TMX2: variants seen among roughly 807,000 people sequenced by gnomAD.
TMX2 encodes the protein thioredoxin related transmembrane protein 2, also known as thioredoxin-related transmembrane protein 2.
A neutral mutation model predicts 33.4 loss-of-function variants in TMX2; 20 were observed. That is an observed-to-expected ratio of 0.60 (90% CI 0.42 to 0.87). TMX2 has a LOEUF of 0.87. Ranked by LOEUF, TMX2 falls within the 40% of genes least tolerant of loss-of-function variation. TMX2 has a pLI of 0.00. For missense variants in TMX2, 340 were observed against 370.7 expected (o/e 0.92, Z 0.68); for synonymous variants, 166 against 140.7 (o/e 1.18, Z -1.27).
In TMX2 at chr11:57,712,859, C is replaced by T. The variant is rs146862887; in HGVS notation, c.189+52C>T. 424 of 1,603,220 alleles carry T rather than the reference C, an allele frequency of 2.6e-4. 3 individuals are homozygous for T. The African/African-American group carries it at 3.9e-3, about 15-fold the overall frequency. ...GCGACCTTGACTGTCCCTGCCCTTG[C>T]AGGTGTATCTGGGAACCCTGGGGTT... On this transcript the variant is annotated intron_variant, in intron 1 of 7. Coordinates refer to ENST00000278422, the MANE Select transcript of TMX2 (RefSeq NM_015959.4).
chr11:57,727,294 C>G (rs1406125148), intron 1 of TMX2, among the ~76,000 whole-genome samples: 1 of 151,888 alleles, frequency 6.6e-6, no homozygotes, highest in African/African-American at 2.4e-5. Context: ...TCAAAGGACT[C>G]TAGAAACAAG....
chr11:57,719,363 C>T lies in TMX2; in HGVS notation c.189+6556C>T, dbSNP rs566988040. 1.2e-3 allele frequency among the ~76,000 whole-genome samples: 189 copies of T among 151,358 alleles called. 2 individuals are homozygous for T. The highest frequency in any genetic ancestry group is 5.9e-3 in the South Asian group (28 of 4,784). ...TTTTTTATTTTTTAAAGGCTTTCTG[C>T]TTTTTCTCTTTTGGATCTCATGCCC... On this transcript the variant is annotated intron_variant, in intron 1 of 7. Coordinates refer to ENST00000278422, the MANE Select transcript of TMX2 (RefSeq NM_015959.4).
chr11:57,737,703 A>T, intron 2 of TMX2, 35 bp downstream of exon 2: 1 of 1,601,178 alleles, frequency 6.2e-7, no homozygotes, highest in Non-Finnish European at 8.6e-7. Context: ...TCAAGGTTAG[A>T]TCTAATGCCC....
chr11:57,718,063 T>C, intron 1 of TMX2: 1 of 1,217,798 alleles, frequency 8.2e-7, no homozygotes, highest in African/African-American at 1.5e-5. Context: ...CAGTCAGCAA[T>C]GGTGATCTTC....
At chr11:57,723,985 A>AACCAAGT (rs1279848690) in intron 1 of TMX2, among the ~76,000 whole-genome samples, 1 of 151,990 alleles carries the variant, frequency 6.6e-6, no homozygotes, top group African/African-American at 2.4e-5. Context: ...GGAAGGGCAA[A>AACCAAGT]ACCAAGTAAC....
intron 1 of TMX2, among the ~76,000 whole-genome samples, chr11:57,714,843 C>A (rs774511853): frequency 6.6e-6 from 1 of 152,082 alleles, no homozygotes; most frequent in African/African-American, 2.4e-5. Flanking sequence ...ATCCTCCTGA[C>A]TTGGCTTCCT....
Position 57,739,251 on chromosome 11 carries a change from C to T in TMX2, c.735C>T (p.Thr245=). ...IDKKGRAVSW[T]FSEENVIREF... ...AGAAAGGACGGGCTGTCTCATGGAC[C>T]TTCTCTGAGGTACCTGAAAGGAAGG... The change falls in exon 7 of 8, where the codon ACC becomes ACT. Residue 245 remains threonine (T), a synonymous_variant. Transcript: ENST00000278422. The T allele has an allele frequency of 6.2e-7, 1 of 1,614,090 alleles. No individual in the cohort carries two copies. Among genetic ancestry groups the T allele is most frequent in the African/African-American group, 1.3e-5 (1 of 75,006 alleles).
In TMX2 at chr11:57,712,704, C is replaced by T. The variant is rs1946682690; in HGVS notation, c.86C>T (p.Ser29Leu). Residue 29 changes from serine to leucine, a missense_variant, in exon 1 of 8, where the codon TCG becomes TTG. Coordinates refer to ENST00000278422, the MANE Select transcript of TMX2 (RefSeq NM_015959.4). ...RWLAQPYYLL[S>L]ALLSAAFLLV... Reference sequence around the variant, plus strand: ...CTCGCCCAACCTTACTACCTTCTGTCGGCCCTGCTCTCTGCTGCCTTCCTA... The same window carrying T: ...CTCGCCCAACCTTACTACCTTCTGTTGGCCCTGCTCTCTGCTGCCTTCCTA... 2 of 1,614,194 alleles carry T rather than the reference C, an allele frequency of 1.2e-6. No individual in the cohort carries two copies. The highest frequency in any genetic ancestry group is 1.3e-5 in the African/African-American group (1 of 75,066).
At chr11:57,732,361 T>A (rs1481718315) in intron 1 of TMX2, among the ~76,000 whole-genome samples, 1 of 152,218 alleles carries the variant, frequency 6.6e-6, no homozygotes, top group Non-Finnish European at 1.5e-5. Flanking sequence ...CTCTTTCCTT[T>A]TCCTGCTTCC....
rs575164710 is a variant in TMX2, at chr11:57,734,423, G to C, written c.190-3185G>C. On this transcript the variant is annotated intron_variant, in intron 1 of 7. Coordinates refer to ENST00000278422, the MANE Select transcript of TMX2 (RefSeq NM_015959.4). ...GAGAATTTCTTTTGGTCCTACCTTTGGTCCCCTGGTTAACTACAACTCTCT... is the reference window on the plus strand; with the variant it reads ...GAGAATTTCTTTTGGTCCTACCTTTCGTCCCCTGGTTAACTACAACTCTCT... 7.9e-5 allele frequency among the ~76,000 whole-genome samples: 12 copies of C among 152,170 alleles called. 1 individual carries two copies. The South Asian group carries it at 2.3e-3, about 29-fold the overall frequency.
At chr11:57,724,658 A>G (rs1485373716) in intron 1 of TMX2, among the ~76,000 whole-genome samples, 3 of 152,098 alleles carry the variant, frequency 2.0e-5, no homozygotes, top group Admixed American at 1.3e-4. Flanking sequence ...AAAAACATAC[A>G]GGTTAATAGA....
chr11:57,725,012 C>T lies in TMX2; in HGVS notation c.189+12205C>T, dbSNP rs537288673. ...CAAGATCGTGCCACTGCACTCCAGC[C>T]TGGGCAACAGAGTGAGACTGTGTCT... On this transcript the variant is annotated intron_variant, in intron 1 of 7. Transcript: ENST00000278422. Among the ~76,000 whole-genome samples the T allele has an allele frequency of 2.0e-5, 3 of 147,050 alleles. No homozygotes were observed. The East Asian group carries it at 5.9e-4, about 29-fold the overall frequency.
At position 57,739,021 on chromosome 11, in the gene TMX2, A is replaced by T; in HGVS notation, c.596A>T (p.Tyr199Phe). Reference protein sequence around the residue: ...LNFGKVDVGRYTDVSTRYKVS... With the variant: ...LNFGKVDVGRFTDVSTRYKVS... ...TTTGGGAAGGTGGATGTTGGACGCTATACTGATGTTAGTACGCGGTATGTA... is the reference window on the plus strand; with the variant it reads ...TTTGGGAAGGTGGATGTTGGACGCTTTACTGATGTTAGTACGCGGTATGTA... Residue 199 changes from tyrosine (Y) to phenylalanine (F), a missense_variant, in exon 6 of 8, where the codon TAT becomes TTT. Tyr to Phe is a conservative substitution (Grantham distance 22). This residue lies in a region of TMX2 where 209 missense variants were observed against 241.6 expected (regional missense o/e 0.87). Transcript: ENST00000278422. 1 of 1,614,146 alleles carries T rather than the reference A, an allele frequency of 6.2e-7. No homozygotes were observed. Among genetic ancestry groups the T allele is most frequent in the Non-Finnish European group, 8.5e-7 (1 of 1,180,038 alleles).
rs1949022029 is a variant in TMX2, at chr11:57,740,549, A to G, written c.*304A>G. ...GCTTATCAGCTATTCAGACATCTCC[A>G]TGGTTTCTCCATGAAACTCTGTGGT... On this transcript the variant is annotated 3_prime_UTR_variant, in exon 8 of 8. Transcript: ENST00000278422. 1 of 249,698 alleles carries G rather than the reference A, an allele frequency of 4.0e-6. No homozygotes were observed. The highest frequency in any genetic ancestry group is 7.7e-5 in the South Asian group (1 of 12,996). The allele number at this position is 249,698 out of a possible 1,614,324, so 15.5% of individuals were successfully genotyped here.
chr11:57,729,018 CAG>C (rs1948181119), intron 1 of TMX2, among the ~76,000 whole-genome samples: 1 of 152,082 alleles, frequency 6.6e-6, no homozygotes, highest in African/African-American at 2.4e-5. Flanking sequence ...AGAAACGACT[CAG>C]TGGTGACACT....
chr11:57,712,809 T>C lies in TMX2; in HGVS notation c.189+2T>C. The C allele has an allele frequency of 6.2e-7, 1 of 1,613,932 alleles. No individual in the cohort carries two copies. The highest frequency in any genetic ancestry group is 8.5e-7 in the Non-Finnish European group (1 of 1,179,960). On this transcript the variant is annotated splice_donor_variant, in intron 1 of 7. Coordinates refer to ENST00000278422, the MANE Select transcript of TMX2 (RefSeq NM_015959.4). LOFTEE classifies it high-confidence loss of function. ...GGTAACCCGTGTGACTTTGACTGGG[T>C]GAGCCTCCCGCGTGTTAGTACCCCG... is the stretch of plus-strand genomic sequence containing the variant.
At chr11:57,738,457 C>T (rs1275979410) in intron 4 of TMX2, 27 bp downstream of exon 4, 12 of 1,548,046 alleles carry the variant, frequency 7.8e-6, no homozygotes, top group African/African-American at 4.1e-5. Context: ...CTTTCTGTTT[C>T]TTGGGTCCCT....
At chr11:57,731,263 A>C (rs1948385042) in intron 1 of TMX2, among the ~76,000 whole-genome samples, 1 of 148,574 alleles carries the variant, frequency 6.7e-6, no homozygotes, top group South Asian at 2.1e-4. Flanking sequence ...CTTCCCGAGT[A>C]GCTGGGATTA....
rs1183104624 is a variant in TMX2, at chr11:57,719,514, C to CTTTTTTT, written c.189+6725_189+6731dup. On this transcript the variant is annotated intron_variant, in intron 1 of 7. Transcript: ENST00000278422. ...AATGTAAAATTTCTTTTTTCTTTGT[C>CTTTTTTT]TTTTTTTTTTTTTTTTTTTTTTTTG... Among the ~76,000 whole-genome samples the CTTTTTTT allele has an allele frequency of 7.3e-3, 515 of 70,530 alleles. 4 individuals carry two copies. Among genetic ancestry groups the CTTTTTTT allele is most frequent in the Non-Finnish European group, 9.4e-3 (376 of 40,074 alleles). 46.3% of individuals were successfully genotyped at this position (70,530 alleles called of 152,430 possible). A position where few individuals can be genotyped will look rare whatever the true frequency, so the allele number is the denominator to read the frequency against.
Sources: gnomAD v4.1 joint callset for allele counts (sites outside exome capture counted in the v4.1 genomes callset) on GRCh38, gnomAD v4.1.1 for gene constraint, gnomAD v4.1.1 regional missense constraint, MANE v1.5 for transcripts, NCBI Gene and HGNC (gene_info 2026-07-23, HGNC 2026-07-21) for gene names.